The following PSIP1 variants were observed in gnomAD, a reference collection of about 807,000 sequenced individuals.
PSIP1 encodes the protein PC4 and SRSF1 interacting protein 1.
A neutral mutation model predicts 74.7 loss-of-function variants in PSIP1; 19 were observed. That is an observed-to-expected ratio of 0.25 (90% CI 0.18 to 0.37). The LOEUF (loss-of-function observed/expected upper bound fraction) is 0.37, where lower values mean the gene tolerates loss of function less well. Among genes scored for constraint, PSIP1 ranks in the 10% least tolerant of loss-of-function variants. The pLI, the probability that PSIP1 is intolerant of heterozygous loss-of-function variation, is 1.00. For synonymous variants in PSIP1, 222 were observed against 195.3 expected (o/e 1.14, Z -1.14); for missense variants, 601 against 614.3 (o/e 0.98, Z 0.23).
chr9:15,468,320 G>C (rs1450665184), intron 14 of PSIP1: 2 of 586,058 alleles, frequency 3.4e-6, no homozygotes, highest in African/African-American at 1.8e-5. Context: ...TGAGCAACCA[G>C]GAAGTGGGTA....
chr9:15,472,499 AT>A, intron 10 of PSIP1, 132 bp downstream of exon 10: 1 of 1,428,330 alleles, frequency 7.0e-7, no homozygotes, highest in Non-Finnish European at 9.1e-7. Flanking sequence ...TATATTGAAG[AT>A]TTTTCTAACA....
intron 2 of PSIP1, among the ~76,000 whole-genome samples, chr9:15,508,966 A>G (rs1445142507): frequency 6.6e-6 from 1 of 152,206 alleles, no homozygotes; most frequent in Non-Finnish European, 1.5e-5. Flanking sequence ...ATAGGCAAGG[A>G]AAAAAGCTTT....
At chr9:15,485,373 G>A (rs954930487) in intron 6 of PSIP1, among the ~76,000 whole-genome samples, 1 of 151,978 alleles carries the variant, frequency 6.6e-6, no homozygotes, top group Non-Finnish European at 1.5e-5. Context: ...AACCCATACT[G>A]CACAACAAAT....
chr9:15,489,964 A>C (rs771639641), intron 4 of PSIP1, 22 bp downstream of exon 4: 1 of 1,504,214 alleles, frequency 6.6e-7, no homozygotes, highest in Admixed American at 2.2e-5. Flanking sequence ...AGTAATATCA[A>C]ATTTTATGTA....
At chr9:15,507,603 A>T (rs1478994729) in intron 2 of PSIP1, among the ~76,000 whole-genome samples, 1 of 152,214 alleles carries the variant, frequency 6.6e-6, no homozygotes, top group African/African-American at 2.4e-5. Flanking sequence ...ATGCCACTGC[A>T]CTCAAGCCTG....
intron 3 of PSIP1, among the ~76,000 whole-genome samples, chr9:15,501,552 T>C (rs530174195): frequency 1.3e-5 from 2 of 152,058 alleles, no homozygotes; most frequent in Admixed American, 6.5e-5. Flanking sequence ...ATTTTTACAA[T>C]AGAAAAAAGC....
At chr9:15,492,434 G>A (rs141078800) in intron 3 of PSIP1, among the ~76,000 whole-genome samples, 2 of 152,326 alleles carry the variant, frequency 1.3e-5, no homozygotes, top group East Asian at 1.9e-4. Flanking sequence ...AAATGCAAGA[G>A]GTGAGCTCCC....
chr9:15,506,910 ATAT>A (rs1193402245), intron 2 of PSIP1, among the ~76,000 whole-genome samples: 3 of 152,222 alleles, frequency 2.0e-5, no homozygotes, highest in Non-Finnish European at 2.9e-5. Context: ...CTTTGCAGAC[ATAT>A]TATTATGTGC....
intron 6 of PSIP1, among the ~76,000 whole-genome samples, chr9:15,483,008 T>TA (rs1054528372): frequency 5.3e-5 from 8 of 152,262 alleles, no homozygotes; most frequent in African/African-American, 1.7e-4. Context: ...GATACCCTCT[T>TA]AGATTTTCTC....
intron 6 of PSIP1, among the ~76,000 whole-genome samples, chr9:15,481,135 T>C (rs1435189753): frequency 3.3e-5 from 5 of 152,246 alleles, no homozygotes; most frequent in Non-Finnish European, 5.9e-5. Context: ...GTTTTATTTC[T>C]AGAATTTTAA....
In PSIP1 at chr9:15,474,073, G is replaced by T. The variant is rs2035969206; in HGVS notation, c.794C>A (p.Ala265Asp). 2 of 1,613,536 alleles carry T rather than the reference G, an allele frequency of 1.2e-6. No homozygotes were observed. The highest frequency in any genetic ancestry group is 1.7e-6 in the Non-Finnish European group (2 of 1,179,862). ...KEVESKRKNL[A>D]KTGVTSTSDS... ...GGAGGTTGAAGTAACCCCTGTTTTA[G>T]CTAAATTTTTCCTTTTTGATTCAAC... Residue 265 changes from alanine to aspartate, a missense_variant, in exon 9 of 16, where the codon GCT (alanine) becomes GAT (aspartate). Ala to Asp is a moderately radical substitution (Grantham distance 126, BLOSUM62 -2). Coordinates refer to ENST00000380733, the MANE Select transcript of PSIP1 (RefSeq NM_033222.5).
In PSIP1 at chr9:15,495,444, C is replaced by T. The variant is rs1423988010; in HGVS notation, c.150-5320G>A. On this transcript the variant is annotated intron_variant, in intron 3 of 15. Transcript: ENST00000380733. The stretch of plus-strand genomic sequence containing the variant: ...AAAATTTGTCAGAATATTAAGTAGT[C>T]TATTACTGACGGTTATGTAAATGCA... Among the ~76,000 whole-genome samples, 4 of 152,138 alleles carry T rather than the reference C, an allele frequency of 2.6e-5. No homozygotes were observed. In the East Asian group the frequency reaches 5.8e-4, roughly 22 times the overall value.
intron 3 of PSIP1, among the ~76,000 whole-genome samples, chr9:15,501,867 A>ATATATAT (rs1188842040): frequency 1.4e-5 from 2 of 144,426 alleles, no homozygotes; most frequent in African/African-American, 2.7e-5. Context: ...ATATATATAT[A>ATATATAT]AAACGCACAC....
At chr9:15,466,512 T>G (rs150355874) in intron 15 of PSIP1, among the ~76,000 whole-genome samples, 1 of 152,352 alleles carries the variant, frequency 6.6e-6, no homozygotes, top group Non-Finnish European at 1.5e-5. Flanking sequence ...GAGCAAATAT[T>G]TTCTTTTTAA....
chr9:15,493,833 C>A (rs1383571250), intron 3 of PSIP1, among the ~76,000 whole-genome samples: 1 of 152,156 alleles, frequency 6.6e-6, no homozygotes, highest in African/African-American at 2.4e-5. Flanking sequence ...CCTGGTCCTG[C>A]CCTTGATGTG....
chr9:15,481,357 T>TA (rs1190249072), intron 6 of PSIP1, among the ~76,000 whole-genome samples: 2 of 152,224 alleles, frequency 1.3e-5, no homozygotes, highest in Non-Finnish European at 2.9e-5. Context: ...TCTCTCCACT[T>TA]ACACTTTCTG....
chr9:15,468,824 C>G lies in PSIP1; in HGVS notation c.1226G>C (p.Ser409Thr), dbSNP rs2035732715. 6.2e-7 allele frequency: 1 copy of G among 1,613,552 alleles called. No individual in the cohort carries two copies. The highest frequency in any genetic ancestry group is 1.3e-5 in the African/African-American group (1 of 74,918). Residue 409 changes from serine (S) to threonine (T), a missense_variant, in exon 14 of 16, where the codon AGT becomes ACT. Transcript: ENST00000380733. ...TLKKIRRFKV[S>T]QVIMEKSTML... ...TGTAGACTTTTCCATGATTACCTGA[C>G]TAACTTTGAATCGCCGTATCTGAGA...
intron 10 of PSIP1, 44 bp downstream of exon 10, chr9:15,472,588 G>C (rs1210964370): frequency 6.4e-7 from 1 of 1,557,962 alleles, no homozygotes; most frequent in Non-Finnish European, 8.6e-7. Context: ...TTCCATGCTA[G>C]CCTTTAAAAA....
chr9:15,465,589 A>G lies in PSIP1; in HGVS notation c.1533-9T>C, dbSNP rs2035566825. 8 of 1,564,336 alleles carry G rather than the reference A, an allele frequency of 5.1e-6. No homozygotes were observed. The highest frequency in any genetic ancestry group is 7.0e-6 in the Non-Finnish European group (8 of 1,141,226). On this transcript the variant is annotated splice_polypyrimidine_tract_variant and intron_variant, in intron 15 of 15. Coordinates refer to ENST00000380733, the MANE Select transcript of PSIP1 (RefSeq NM_033222.5). Reference sequence around the variant, plus strand: ...TCTCTTCACTGGATGGCCTGAAGAAAAGGGGGAAAGGTACAACTGGAATTA... The same window carrying G: ...TCTCTTCACTGGATGGCCTGAAGAAGAGGGGGAAAGGTACAACTGGAATTA...
Sources: allele counts gnomAD v4.1 joint callset (sites outside exome capture counted in the v4.1 genomes callset), GRCh38; gene constraint gnomAD v4.1.1; transcripts MANE v1.5; gene names NCBI Gene and HGNC (gene_info 2026-07-23, HGNC 2026-07-21).